The following PTPRN2 variants were observed in gnomAD, a reference collection of about 807,000 sequenced individuals.
PTPRN2 encodes the protein protein tyrosine phosphatase receptor type N2.
Under a neutral mutation model 118.8 loss-of-function variants are expected in PTPRN2, and 74 were observed. That is an observed-to-expected ratio of 0.62 (90% CI 0.52 to 0.76). The LOEUF (loss-of-function observed/expected upper bound fraction) is 0.76, where lower values mean the gene tolerates loss of function less well. Among genes scored for constraint, PTPRN2 ranks in the 30% least tolerant of loss-of-function variants. The probability of loss-of-function intolerance (pLI) is 0.00; values close to 1 mark genes in which losing one functional copy is unlikely to be tolerated. For missense variants in PTPRN2, 1,481 were observed against 1,394.4 expected, an observed-to-expected ratio of 1.06 and a Z score of -0.99; for synonymous variants, 641 against 608.0, an observed-to-expected ratio of 1.05 and a Z score of -0.80.
intron 12 of PTPRN2, among the ~76,000 whole-genome samples, chr7:157,726,466 C>T (rs547787974): frequency 2.9e-4 from 44 of 152,320 alleles, no homozygotes; most frequent in African/African-American, 8.9e-4. Flanking sequence ...ACCTCCCACC[C>T]GAGCGTGCGC....
At chr7:157,771,686 T>C (rs1796262) in intron 12 of PTPRN2, among the ~76,000 whole-genome samples, 52,918 of 150,774 alleles carry the variant, frequency 0.35, 11,649 homozygotes, top group African/African-American at 0.62. Context: ...CAGACACACA[T>C]GCAGACACAC....
intron 11 of PTPRN2, among the ~76,000 whole-genome samples, chr7:158,013,446 TTCCA>T (rs977941911): frequency 2.3e-4 from 35 of 151,748 alleles, no homozygotes; most frequent in African/African-American, 8.0e-4. Context: ...CCTTCCTTCC[TTCCA>T]TCCACCCATC....
At chr7:157,636,091 G>GCT (rs1804301491) in intron 14 of PTPRN2, among the ~76,000 whole-genome samples, 1 of 152,092 alleles carries the variant, frequency 6.6e-6, no homozygotes, top group Admixed American at 6.5e-5. Flanking sequence ...TTCAACATTA[G>GCT]CTGCTAATCC....
intron 12 of PTPRN2, among the ~76,000 whole-genome samples, chr7:157,771,339 T>G (rs1802790649): frequency 1.3e-5 from 2 of 152,202 alleles, no homozygotes; most frequent in Admixed American, 6.5e-5. Context: ...TTGGGATAAT[T>G]TGCTATGCAG....
intron 22 of PTPRN2, among the ~76,000 whole-genome samples, chr7:157,545,187 G>T (rs1253345534): frequency 2.0e-5 from 3 of 146,420 alleles, no homozygotes; most frequent in South Asian, 4.5e-4. Context: ...GTGTTTGTGG[G>T]TGTCTGTGGG....
rs527286526 is a variant in PTPRN2, at chr7:158,101,780, T to C, written c.1643+9049A>G. 2.1e-3 allele frequency among the ~76,000 whole-genome samples: 327 copies of C among 152,318 alleles called. 2 individuals are homozygous for C. The highest frequency in any genetic ancestry group is 1.9e-3 in the Non-Finnish European group (127 of 68,012). The stretch of plus-strand genomic sequence containing the variant: ...AGCCTCAGGTCTGCTCCAATCAGTG[T>C]GGACAGCAAAGCCCCTGGCCACCCT... On this transcript the variant is annotated intron_variant, in intron 10 of 22. Transcript: ENST00000389418.
At chr7:157,546,979 C>T (rs901049589) in intron 22 of PTPRN2, among the ~76,000 whole-genome samples, 3 of 152,200 alleles carry the variant, frequency 2.0e-5, no homozygotes, top group East Asian at 3.8e-4. Context: ...TTTGCCCAGA[C>T]CCATCCTAAA....
chr7:158,272,297 G>A (rs1049262818), intron 3 of PTPRN2, among the ~76,000 whole-genome samples: 1 of 152,160 alleles, frequency 6.6e-6, no homozygotes, highest in Non-Finnish European at 1.5e-5. Flanking sequence ...TCCCTGCCTG[G>A]GCTGTACTTG....
At chr7:158,008,935 G>C (rs1805852023) in intron 11 of PTPRN2, among the ~76,000 whole-genome samples, 2 of 152,132 alleles carry the variant, frequency 1.3e-5, no homozygotes, top group African/African-American at 4.8e-5. Context: ...GACTTCTTCT[G>C]AAATGAGACA....
rs1279163589 is a variant in PTPRN2 at position 157,691,067 on chromosome 7, TCCC to T, written c.1789-8133_1789-8131del. ...CCAGCCACCGGTTGCTATAGCGATG[TCCC>T]CCCCCCCCCCCACATGTTGCTGACA... On this transcript the variant is annotated intron_variant, in intron 12 of 22. Transcript: ENST00000389418. 6.3e-3 allele frequency among the ~76,000 whole-genome samples: 279 copies of T among 44,494 alleles called. 12 individuals carry two copies. The highest frequency in any genetic ancestry group is 0.053 in the Admixed American group (238 of 4,492). The allele number at this position is 44,494 out of a possible 152,430, so 29.2% of individuals were successfully genotyped here.
chr7:158,326,191 G>GTCAC (rs1338011008), intron 2 of PTPRN2, among the ~76,000 whole-genome samples: 2 of 152,224 alleles, frequency 1.3e-5, no homozygotes, highest in African/African-American at 4.8e-5. Flanking sequence ...AAGCTGGTCT[G>GTCAC]TCACTCACTC....
In PTPRN2 at chr7:158,301,447, G is replaced by A. The variant is rs182766022; in HGVS notation, c.277+15372C>T. On this transcript the variant is annotated intron_variant, in intron 3 of 22. Coordinates refer to ENST00000389418, the MANE Select transcript of PTPRN2 (RefSeq NM_002847.5). ...CTAGAACTCCCAATTCTGAGTCATCGTCTTAGCTCCCGAGGTGCTTAGCAG... is the reference window on the plus strand; with the variant it reads ...CTAGAACTCCCAATTCTGAGTCATCATCTTAGCTCCCGAGGTGCTTAGCAG... 1.0e-3 allele frequency among the ~76,000 whole-genome samples: 159 copies of A among 152,324 alleles called. 1 individual carries two copies. Among genetic ancestry groups the A allele is most frequent in the Admixed American group, 3.6e-3 (55 of 15,310 alleles).
At chr7:157,557,446 T>C (rs1259829945) in intron 21 of PTPRN2, among the ~76,000 whole-genome samples, 1 of 150,544 alleles carries the variant, frequency 6.6e-6, no homozygotes, top group Non-Finnish European at 1.5e-5. Context: ...CACACCCATA[T>C]CACACACTCA....
chr7:158,142,655 C>T (rs1819498381), intron 6 of PTPRN2, among the ~76,000 whole-genome samples: 1 of 152,208 alleles, frequency 6.6e-6, no homozygotes, highest in Non-Finnish European at 1.5e-5. Flanking sequence ...CACACATCAG[C>T]CCTCACCATG....
chr7:157,828,068 G>A (rs559313856), intron 12 of PTPRN2, among the ~76,000 whole-genome samples: 27 of 152,302 alleles, frequency 1.8e-4, no homozygotes, highest in East Asian at 9.7e-4. Context: ...AGTACATTTC[G>A]TAAGTTCTGG....
chr7:158,415,038 GCTACTTCTCT>G, intron 2 of PTPRN2, among the ~76,000 whole-genome samples: 1 of 23,882 alleles, frequency 4.2e-5, no homozygotes, highest in Non-Finnish European at 8.7e-5. Context: ...GATACAACCA[GCTACTTCTCT>G]GATGATACAA....
chr7:158,544,827 G>T lies in PTPRN2; in HGVS notation c.112+42731C>A, dbSNP rs544186716. Among the ~76,000 whole-genome samples the T allele has an allele frequency of 6.6e-6, 1 of 152,314 alleles. No homozygotes were observed. Among genetic ancestry groups the T allele is most frequent in the South Asian group, 2.1e-4 (1 of 4,822 alleles). On this transcript the variant is annotated intron_variant, in intron 1 of 22. Transcript: ENST00000389418. The surrounding 1 kb of genome is among the most constrained non-coding windows in gnomAD (Gnocchi z 4.2). ...TGTCTGGGGCACCTGTTGTCCTGGGGTTCAAAGCCGCTGCCACCTTCTTCC... is the reference window on the plus strand; with the variant it reads ...TGTCTGGGGCACCTGTTGTCCTGGGTTTCAAAGCCGCTGCCACCTTCTTCC...
intron 3 of PTPRN2, among the ~76,000 whole-genome samples, chr7:158,258,355 C>G (rs1797166587): frequency 6.6e-6 from 1 of 152,270 alleles, no homozygotes; most frequent in Non-Finnish European, 1.5e-5. Context: ...GCGTCTCACA[C>G]TCTGCTATCA....
Position 157,615,074 on chromosome 7 carries a change from T to C in PTPRN2, c.2344+6288A>G, listed in dbSNP as rs1244744380. 6.6e-6 allele frequency among the ~76,000 whole-genome samples: 1 copy of C among 152,252 alleles called. No homozygotes were observed. Among genetic ancestry groups the C allele is most frequent in the Non-Finnish European group, 1.5e-5 (1 of 68,048 alleles). ...TAAAGTATTTGGACGTCATGACGCCTGATACTTACTTGAAGTCGTCCAGCC... is the reference window on the plus strand; with the variant it reads ...TAAAGTATTTGGACGTCATGACGCCCGATACTTACTTGAAGTCGTCCAGCC... On this transcript the variant is annotated intron_variant, in intron 15 of 22. Coordinates refer to ENST00000389418, the MANE Select transcript of PTPRN2 (RefSeq NM_002847.5). This position sits in a 1 kb window ranked among gnomAD's most constrained non-coding sequence, Gnocchi z 4.3.
Sources: gnomAD v4.1 joint callset for allele counts (sites outside exome capture counted in the v4.1 genomes callset) on GRCh38, gnomAD v4.1.1 for gene constraint, Gnocchi (gnomAD v3.1) non-coding constraint, MANE v1.5 for transcripts, NCBI Gene and HGNC (gene_info 2026-07-23, HGNC 2026-07-21) for gene names.